Variants in NKAIN2 observed in about 807,000 individuals in gnomAD.
NKAIN2 encodes the protein sodium/potassium transporting ATPase interacting 2, also known as sodium/potassium-transporting ATPase subunit beta-1-interacting protein 2.
NKAIN2 carries 14 observed loss-of-function variants against 32.6 expected under a neutral mutation model. That is an observed-to-expected ratio of 0.43 (90% CI 0.28 to 0.67). The LOEUF (loss-of-function observed/expected upper bound fraction) is 0.67. Ranked by LOEUF, NKAIN2 falls within the 30% of genes least tolerant of loss-of-function variation. The pLI is 0.17. For missense variants in NKAIN2, 198 were observed against 258.3 expected, an observed-to-expected ratio of 0.77 and a Z score of 1.60; for synonymous variants, 80 against 87.2, an observed-to-expected ratio of 0.92 and a Z score of 0.46.
chr6:124,373,208 A>G (rs1047353138), intron 3 of NKAIN2, among the ~76,000 whole-genome samples: 1 of 152,154 alleles, frequency 6.6e-6, no homozygotes, highest in Non-Finnish European at 1.5e-5. Flanking sequence ...TAGTGCTACA[A>G]GATTTGCTAA....
chr6:124,108,004 C>G (rs1404117018), intron 1 of NKAIN2, among the ~76,000 whole-genome samples: 1 of 152,000 alleles, frequency 6.6e-6, no homozygotes, highest in Non-Finnish European at 1.5e-5. Flanking sequence ...TCAAATATCT[C>G]TTTGAGATCC....
chr6:124,474,107 A>AT (rs66832812), intron 3 of NKAIN2, among the ~76,000 whole-genome samples: 112,961 of 149,718 alleles, frequency 0.75, 42,634 homozygotes, highest in East Asian at 0.86. Context: ...TTAGGACTGT[A>AT]TTTTTTTTTT....
intron 1 of NKAIN2, among the ~76,000 whole-genome samples, chr6:123,926,705 T>C (rs1324158275): frequency 6.6e-6 from 1 of 152,218 alleles, no homozygotes; most frequent in African/African-American, 2.4e-5. Context: ...ATATTTTCCT[T>C]ATCTAAATGA....
At chr6:124,614,979 G>A (rs1436332156) in intron 3 of NKAIN2, among the ~76,000 whole-genome samples, 1 of 152,186 alleles carries the variant, frequency 6.6e-6, no homozygotes, top group African/African-American at 2.4e-5. Context: ...TTACGGTGCT[G>A]AACAGTGTCT....
At chr6:124,553,472 T>C (rs1780365539) in intron 3 of NKAIN2, among the ~76,000 whole-genome samples, 1 of 152,050 alleles carries the variant, frequency 6.6e-6, no homozygotes, top group African/African-American at 2.4e-5. Flanking sequence ...CACAGCCATG[T>C]AATTTTGTAC....
At chr6:124,100,839 C>A (rs1267808002) in intron 1 of NKAIN2, among the ~76,000 whole-genome samples, 1 of 152,150 alleles carries the variant, frequency 6.6e-6, no homozygotes, top group Non-Finnish European at 1.5e-5. Context: ...GCAATTTCTC[C>A]TTGCTGCTCA....
chr6:124,258,841 G>A (rs1303504135), intron 1 of NKAIN2, among the ~76,000 whole-genome samples: 2 of 152,150 alleles, frequency 1.3e-5, no homozygotes, highest in Admixed American at 1.3e-4. Flanking sequence ...TTAGTCATTA[G>A]GGGAAGTACT....
chr6:123,824,730 TA>T lies in NKAIN2; in HGVS notation c.54+20488del, dbSNP rs111605515. On this transcript the variant is annotated intron_variant, in intron 1 of 6. Coordinates refer to ENST00000368417, the MANE Select transcript of NKAIN2 (RefSeq NM_001040214.3). ...ACACATGTATCCCAGAACTTAAAATTAAAAAAAAAAAAGAAAAAGAAAAAAC... is the reference window on the plus strand; with the variant it reads ...ACACATGTATCCCAGAACTTAAAATTAAAAAAAAAAAGAAAAAGAAAAAAC... 2.2e-3 allele frequency among the ~76,000 whole-genome samples: 305 copies of T among 141,380 alleles called. 1 individual carries two copies. In the South Asian group the frequency reaches 0.026, roughly 12 times the overall value. The allele number at this position is 141,380 out of a possible 152,430, so 92.8% of individuals were successfully genotyped here. A position where few individuals can be genotyped will look rare whatever the true frequency, so the allele number is the denominator to read the frequency against.
intron 2 of NKAIN2, among the ~76,000 whole-genome samples, chr6:124,328,204 G>A (rs911236654): frequency 3.9e-5 from 6 of 152,168 alleles, no homozygotes; most frequent in African/African-American, 9.6e-5. Flanking sequence ...AGAGATCATC[G>A]TACAGATATT....
chr6:123,835,546 AG>A (rs1379689997), intron 1 of NKAIN2, among the ~76,000 whole-genome samples: 1 of 152,160 alleles, frequency 6.6e-6, no homozygotes, highest in East Asian at 1.9e-4. Context: ...CATAAAGCAA[AG>A]CAAGTGTGGT....
At chr6:124,594,598 A>G (rs1219088009) in intron 3 of NKAIN2, among the ~76,000 whole-genome samples, 1 of 152,214 alleles carries the variant, frequency 6.6e-6, no homozygotes, top group African/African-American at 2.4e-5. Context: ...ATCTGCAGAA[A>G]TGAAGAAATG....
At chr6:124,221,613 A>G (rs1033394244) in intron 1 of NKAIN2, among the ~76,000 whole-genome samples, 8 of 152,178 alleles carry the variant, frequency 5.3e-5, no homozygotes, top group Non-Finnish European at 1.0e-4. Flanking sequence ...TGTTACCAGT[A>G]AGAGTTGTTG....
chr6:124,279,748 T>C (rs11752454), intron 1 of NKAIN2, among the ~76,000 whole-genome samples: 28,880 of 151,992 alleles, frequency 0.19, 2,987 homozygotes, highest in East Asian at 0.26. Context: ...GGGATTTTAC[T>C]AGATATAAAA....
chr6:124,527,751 T>G (rs887698272), intron 3 of NKAIN2, among the ~76,000 whole-genome samples: 6 of 152,142 alleles, frequency 3.9e-5, no homozygotes, highest in Non-Finnish European at 5.9e-5. Context: ...AATCTCCTGG[T>G]CTGAGTCAGT....
At chr6:124,235,938 T>G (rs1330960272) in intron 1 of NKAIN2, among the ~76,000 whole-genome samples, 1 of 152,046 alleles carries the variant, frequency 6.6e-6, no homozygotes, top group Non-Finnish European at 1.5e-5. Flanking sequence ...CATGATTCTT[T>G]TTATATAGCC....
chr6:124,657,520 C>G (rs1784583326), intron 3 of NKAIN2, among the ~76,000 whole-genome samples: 1 of 152,084 alleles, frequency 6.6e-6, no homozygotes, highest in Non-Finnish European at 1.5e-5. Context: ...GATTTATTAT[C>G]TCCACCCTAC....
At chr6:124,667,971 A>T (rs1273050732) in intron 4 of NKAIN2, among the ~76,000 whole-genome samples, 2 of 152,028 alleles carry the variant, frequency 1.3e-5, no homozygotes, top group African/African-American at 2.4e-5. Context: ...ATATAACAAG[A>T]TATCTGATTC....
At chr6:124,493,601 T>C (rs1177887484) in intron 3 of NKAIN2, among the ~76,000 whole-genome samples, 2 of 151,728 alleles carry the variant, frequency 1.3e-5, no homozygotes, top group Non-Finnish European at 2.9e-5. Context: ...TTTGTACTTC[T>C]TGGGAATTAT....
chr6:124,538,963 ATTCC>A (rs1779814008), intron 3 of NKAIN2, among the ~76,000 whole-genome samples: 1 of 152,108 alleles, frequency 6.6e-6, no homozygotes, highest in Non-Finnish European at 1.5e-5. Flanking sequence ...AATGGAAAGT[ATTCC>A]TTCATCTATC....
Sources: gnomAD v4.1 joint callset for allele counts (sites outside exome capture counted in the v4.1 genomes callset) on GRCh38, gnomAD v4.1.1 for gene constraint, MANE v1.5 for transcripts, NCBI Gene and HGNC (gene_info 2026-07-23, HGNC 2026-07-21) for gene names.